Variants in JOSD1 observed in about 807,000 individuals in gnomAD.
JOSD1 encodes the protein Josephin domain containing 1.
A neutral mutation model predicts 24.3 loss-of-function variants in JOSD1; 11 were observed. The ratio of observed to expected loss-of-function variants is 0.45; its 90% confidence interval spans 0.29 to 0.75. JOSD1 has a LOEUF of 0.75. JOSD1 is among the 30% of genes least tolerant of loss of function. The pLI, the probability that JOSD1 is intolerant of heterozygous loss-of-function variation, is 0.11. For synonymous variants in JOSD1, 106 were observed against 93.8 expected, an observed-to-expected ratio of 1.13 and a Z score of -0.75; for missense variants, 184 against 253.5, an observed-to-expected ratio of 0.73 and a Z score of 1.86.
chr22:38,689,569 C>G, intron 2 of JOSD1, 145 bp from the exon 3 acceptor site: 7 of 1,093,346 alleles, frequency 6.4e-6, no homozygotes, highest in Non-Finnish European at 9.0e-6. Context: ...CAGCTTCTAC[C>G]TAAGTATTTT....
intron 2 of JOSD1, among the ~76,000 whole-genome samples, chr22:38,696,789 T>C (rs973511395): frequency 3.9e-5 from 6 of 152,218 alleles, no homozygotes; most frequent in Admixed American, 3.3e-4. Context: ...TGAGTTCCTA[T>C]TCACTTGTAA....
At chr22:38,689,490 C>A in intron 2 of JOSD1, 66 bp from the exon 3 acceptor site, 1 of 1,595,664 alleles carries the variant, frequency 6.3e-7, no homozygotes, top group Non-Finnish European at 8.5e-7. Context: ...CCCGCACTAC[C>A]AGGGATGGAG....
At chr22:38,698,949 G>T (rs752625182) in intron 2 of JOSD1, among the ~76,000 whole-genome samples, 27 of 152,112 alleles carry the variant, frequency 1.8e-4, no homozygotes, top group Non-Finnish European at 3.4e-4. Flanking sequence ...TAGACACGGG[G>T]TTCCACCATG....
chr22:38,698,039 A>G (rs2092552679), intron 2 of JOSD1, among the ~76,000 whole-genome samples: 1 of 152,244 alleles, frequency 6.6e-6, no homozygotes, highest in Admixed American at 6.5e-5. Context: ...TTGTTCATAC[A>G]TATCACAAAG....
At chr22:38,700,972 C>T (rs996492351), upstream of JOSD1, 1 of 984,942 alleles carries the variant, frequency 1.0e-6, no homozygotes, top group African/African-American at 1.7e-5. Flanking sequence ...GCACCTGAGC[C>T]CGACGTCAGC....
At position 38,700,287 on chromosome 22, in the gene JOSD1, C is replaced by A; in HGVS notation, c.-300G>T. The A allele has an allele frequency of 9.8e-7, 1 of 1,023,428 alleles. No homozygotes were observed. 63.4% of individuals were successfully genotyped at this position (1,023,428 alleles called of 1,614,324 possible). A position where few individuals can be genotyped will look rare whatever the true frequency, so the allele number is the denominator to read the frequency against. ...AAGACCTTGTTTCCGTTTCCCCACC[C>A]TTCCCTCCCACCCCCCTCCAAAATC... On this transcript the variant is annotated 5_prime_UTR_variant, in exon 2 of 5. The change creates a new upstream start codon in the 5' untranslated region. Coordinates refer to ENST00000683374, the MANE Select transcript of JOSD1 (RefSeq NM_001360236.2).
At chr22:38,690,000 T>C (rs527611063) in intron 2 of JOSD1, among the ~76,000 whole-genome samples, 1 of 151,340 alleles carries the variant, frequency 6.6e-6, no homozygotes, top group Non-Finnish European at 1.5e-5. Context: ...TGAAAAAAAA[T>C]TTGTGCCAGG....
chr22:38,701,067 C>CAGGCG, upstream of JOSD1: 1 of 826,654 alleles, frequency 1.2e-6, no homozygotes, highest in Non-Finnish European at 1.5e-6. Flanking sequence ...TGACGTAAGT[C>CAGGCG]TGACGTCATC....
chr22:38,699,875 A>C lies in JOSD1; in HGVS notation c.113T>G (p.Leu38Arg). 6.2e-7 allele frequency: 1 copy of C among 1,614,202 alleles called. No homozygotes were observed. The highest frequency in any genetic ancestry group is 1.1e-5 in the South Asian group (1 of 91,090). The change falls in exon 2 of 5, where the codon CTC becomes CGC. Residue 38 changes from leucine (L) to arginine (R), a missense_variant. Transcript: ENST00000683374. ...HEKQRRELCA[L>R]HALNNVFQDS... ...CTGGAAGACGTTATTGAGGGCGTGGAGGGCACAAAGCTCCCTGCGCTGTTT... is the reference window on the plus strand; with the variant it reads ...CTGGAAGACGTTATTGAGGGCGTGGCGGGCACAAAGCTCCCTGCGCTGTTT...
intron 2 of JOSD1, among the ~76,000 whole-genome samples, chr22:38,691,850 T>C (rs1284376907): frequency 6.6e-6 from 1 of 152,172 alleles, no homozygotes; most frequent in Non-Finnish European, 1.5e-5. Flanking sequence ...CACTACCAGA[T>C]GTGTTTCTCA....
chr22:38,693,278 T>G (rs1449590085), intron 2 of JOSD1, among the ~76,000 whole-genome samples: 1 of 152,198 alleles, frequency 6.6e-6, no homozygotes, highest in Non-Finnish European at 1.5e-5. Flanking sequence ...TCCTTCATCT[T>G]CTGTCTTGGA....
intron 2 of JOSD1, among the ~76,000 whole-genome samples, chr22:38,691,831 C>T (rs2145808587): frequency 6.6e-6 from 1 of 152,300 alleles, no homozygotes; most frequent in African/African-American, 2.4e-5. Context: ...GATTTAATTA[C>T]AGCCCTGTCA....
Position 38,687,796 on chromosome 22 carries a change from T to C in JOSD1, c.*106A>G, listed in dbSNP as rs944563909. The C allele has an allele frequency of 1.1e-5, 8 of 734,636 alleles. No homozygotes were observed. The highest frequency in any genetic ancestry group is 2.3e-5 in the Admixed American group (1 of 44,368). The allele number at this position is 734,636 out of a possible 1,614,324, so 45.5% of individuals were successfully genotyped here. The stretch of plus-strand genomic sequence containing the variant: ...ACTGTCAGATCTGAAGGGGAAAAAC[T>C]TGATGAGATGTTTGGGGAAGTGGCA... On this transcript the variant is annotated 3_prime_UTR_variant, in exon 5 of 5. Transcript: ENST00000683374.
At chr22:38,700,768 G>A in intron 1 of JOSD1, 32 bp downstream of exon 1, 1 of 984,654 alleles carries the variant, frequency 1.0e-6, no homozygotes, top group Non-Finnish European at 1.2e-6. Context: ...TCCCGGGCCC[G>A]CGCCCACCCG....
chr22:38,689,148 G>C lies in JOSD1; in HGVS notation c.315-19C>G. Reference sequence around the variant, plus strand: ...GACATCCCTGCAGGGGAGAAATGGTGGCAGGCTCTGATGCAGCCCATTTTC... The same window carrying C: ...GACATCCCTGCAGGGGAGAAATGGTCGCAGGCTCTGATGCAGCCCATTTTC... On this transcript the variant is annotated intron_variant, in intron 3 of 4. Coordinates refer to ENST00000683374, the MANE Select transcript of JOSD1 (RefSeq NM_001360236.2). The C allele has an allele frequency of 6.2e-7, 1 of 1,608,234 alleles. No individual in the cohort carries two copies. Among genetic ancestry groups the C allele is most frequent in the Non-Finnish European group, 8.5e-7 (1 of 1,175,592 alleles).
chr22:38,695,165 C>T (rs548234857), intron 2 of JOSD1, among the ~76,000 whole-genome samples: 38 of 152,234 alleles, frequency 2.5e-4, no homozygotes, highest in Admixed American at 1.8e-3. Flanking sequence ...ATTAGTAATC[C>T]GTAGGTGTTA....
chr22:38,700,798 A>C lies in JOSD1; in HGVS notation c.-632+2T>G, dbSNP rs2092566145. On this transcript the variant is annotated splice_donor_variant, in intron 1 of 4. Transcript: ENST00000683374. LOFTEE classifies it low-confidence loss of function (5UTR_SPLICE). ...CACCCGGCTCGCAGCCCCTACACAA[A>C]CCTCCCCGCCCGTCACGTGAGCGCA... 1.0e-6 allele frequency: 1 copy of C among 983,286 alleles called. No homozygotes were observed. The allele number at this position is 983,286 out of a possible 1,614,324, so 60.9% of individuals were successfully genotyped here. A position where few individuals can be genotyped will look rare whatever the true frequency, so the allele number is the denominator to read the frequency against.
At chr22:38,691,534 CCTT>C (rs1161681134) in intron 2 of JOSD1, among the ~76,000 whole-genome samples, 5 of 152,182 alleles carry the variant, frequency 3.3e-5, no homozygotes, top group Admixed American at 2.6e-4. Flanking sequence ...ATTACACTGA[CCTT>C]CTTACTGTTC....
intron 2 of JOSD1, among the ~76,000 whole-genome samples, chr22:38,690,633 C>T (rs1174107090): frequency 2.0e-5 from 3 of 152,060 alleles, no homozygotes; most frequent in African/African-American, 7.2e-5. Flanking sequence ...TCTCGAACTC[C>T]TAACCTTGTG....
Sources: allele counts gnomAD v4.1 joint callset (sites outside exome capture counted in the v4.1 genomes callset), GRCh38; gene constraint gnomAD v4.1.1; transcripts MANE v1.5; gene names NCBI Gene and HGNC (gene_info 2026-07-23, HGNC 2026-07-21).